The following MATN2 variants were observed in gnomAD, a reference collection of about 807,000 sequenced individuals.
MATN2 encodes the protein matrilin 2, also known as matrilin-2.
A neutral mutation model predicts 103.2 loss-of-function variants in MATN2; 69 were observed. That is an observed-to-expected ratio of 0.67 (90% CI 0.55 to 0.82). The LOEUF (loss-of-function observed/expected upper bound fraction) is 0.82. Ranked by LOEUF, MATN2 falls within the 40% of genes least tolerant of loss-of-function variation. The pLI, the probability that MATN2 is intolerant of heterozygous loss-of-function variation, is 0.00. For missense variants in MATN2, 1,023 were observed against 1,211.5 expected, an observed-to-expected ratio of 0.84 and a Z score of 2.31; for synonymous variants, 429 against 450.2, an observed-to-expected ratio of 0.95 and a Z score of 0.60.
At position 97,881,828 on chromosome 8, in the gene MATN2, T is replaced by A. The variant is rs552419363; in HGVS notation, c.-26-6247T>A. 5.9e-5 allele frequency among the ~76,000 whole-genome samples: 9 copies of A among 152,186 alleles called. No individual in the cohort carries two copies. The South Asian group carries it at 1.7e-3, about 28-fold the overall frequency. On this transcript the variant is annotated intron_variant, in intron 1 of 18. Transcript: ENST00000254898. ...TGCCATTGCAGTTTTTAGGAAAAAA[T>A]CTATCTTGTCTGGTACTGATATTGC...
At chr8:97,948,579 G>C (rs1350361971) in intron 4 of MATN2, among the ~76,000 whole-genome samples, 1 of 152,160 alleles carries the variant, frequency 6.6e-6, no homozygotes, top group African/African-American at 2.4e-5. Flanking sequence ...GGAGTGGGAA[G>C]GCAATCCAAT....
chr8:97,873,848 G>A (rs552121444), intron 1 of MATN2, among the ~76,000 whole-genome samples: 8 of 151,868 alleles, frequency 5.3e-5, no homozygotes, highest in Non-Finnish European at 1.2e-4. Flanking sequence ...GGCTGGTCTC[G>A]AACTCCTGAG....
At chr8:97,947,041 G>A (rs933719008) in intron 4 of MATN2, among the ~76,000 whole-genome samples, 8 of 152,136 alleles carry the variant, frequency 5.3e-5, no homozygotes, top group Non-Finnish European at 7.3e-5. Context: ...TTCCAAGAAT[G>A]CAAGTTTGGT....
At chr8:97,956,854 T>G (rs1401796540) in intron 4 of MATN2, among the ~76,000 whole-genome samples, 1 of 152,140 alleles carries the variant, frequency 6.6e-6, no homozygotes. Context: ...ACCCCACATC[T>G]AATGGAGGAG....
intron 4 of MATN2, among the ~76,000 whole-genome samples, chr8:97,960,537 A>G (rs1811276552): frequency 6.6e-6 from 1 of 152,258 alleles, no homozygotes; most frequent in Non-Finnish European, 1.5e-5. Context: ...GGCAGAGCTT[A>G]GCACTTAGTG....
In MATN2 at chr8:98,027,651, A is replaced by G; in HGVS notation, c.2178A>G (p.Lys726=). The change falls in exon 14 of 19, where the codon AAA becomes AAG. Residue 726 remains lysine, a synonymous_variant. Coordinates refer to ENST00000254898, the MANE Select transcript of MATN2 (RefSeq NM_002380.5). ...TGAAAAAAGCCGTGGCCCACATGAA[A>G]TACATGGGAAAGGGCTCTATGACTG... The part of the protein sequence containing the change: ...KDMKKAVAHM[K]YMGKGSMTGL... 1.9e-6 allele frequency: 3 copies of G among 1,613,906 alleles called. No individual in the cohort carries two copies. Among genetic ancestry groups the G allele is most frequent in the Non-Finnish European group, 1.7e-6 (2 of 1,179,860 alleles).
intron 2 of MATN2, among the ~76,000 whole-genome samples, chr8:97,923,673 C>T (rs1010913621): frequency 6.6e-6 from 1 of 152,140 alleles, no homozygotes; most frequent in African/African-American, 2.4e-5. Context: ...TCTCCTGCCT[C>T]AGCCTCCCAA....
At chr8:97,923,545 C>G (rs1809882755) in intron 2 of MATN2, among the ~76,000 whole-genome samples, 1 of 141,912 alleles carries the variant, frequency 7.0e-6, no homozygotes, top group Admixed American at 7.7e-5. Flanking sequence ...TTCTCTCTCT[C>G]TCTCTCTCTC....
chr8:97,954,698 A>T (rs1433255496), intron 4 of MATN2, among the ~76,000 whole-genome samples: 1 of 152,200 alleles, frequency 6.6e-6, no homozygotes, highest in Non-Finnish European at 1.5e-5. Context: ...CAGCACTCCG[A>T]ACCGTTCCAT....
chr8:97,940,889 T>G (rs893882358), intron 3 of MATN2, among the ~76,000 whole-genome samples: 3 of 152,124 alleles, frequency 2.0e-5, no homozygotes, highest in African/African-American at 7.2e-5. Flanking sequence ...GCAGGCGTGG[T>G]GGCTTATGCC....
intron 10 of MATN2, among the ~76,000 whole-genome samples, chr8:98,013,542 A>G (rs1276498028): frequency 6.6e-6 from 1 of 152,216 alleles, no homozygotes; most frequent in Non-Finnish European, 1.5e-5. Flanking sequence ...CACTGCCAAC[A>G]TCTCACCTCT....
At chr8:97,932,662 G>C (rs971190790) in intron 3 of MATN2, among the ~76,000 whole-genome samples, 1 of 151,892 alleles carries the variant, frequency 6.6e-6, no homozygotes, top group Admixed American at 6.6e-5. Flanking sequence ...CTGCCTCTGC[G>C]GCTGCCTTTT....
Position 97,988,171 on chromosome 8 carries a change from A to AATATAT in MATN2, c.1082-6295_1082-6290dup, listed in dbSNP as rs1554611754. Among the ~76,000 whole-genome samples, 4 of 46,102 alleles carry AATATAT rather than the reference A, an allele frequency of 8.7e-5. No individual in the cohort carries two copies. The Admixed American group carries it at 1.1e-3, about 13-fold the overall frequency. The allele number at this position is 46,102 out of a possible 152,430, so 30.2% of individuals were successfully genotyped here. A position where few individuals can be genotyped will look rare whatever the true frequency, so the allele number is the denominator to read the frequency against. ...CTCCACCAAAAAAAAAAAAAAAAAA[A>AATATAT]ATATATATATATATATATACACACA... On this transcript the variant is annotated intron_variant, in intron 6 of 18. Coordinates refer to ENST00000254898, the MANE Select transcript of MATN2 (RefSeq NM_002380.5).
At chr8:98,002,251 G>A (rs1812814768) in intron 7 of MATN2, among the ~76,000 whole-genome samples, 1 of 152,296 alleles carries the variant, frequency 6.6e-6, no homozygotes, top group East Asian at 1.9e-4. Flanking sequence ...AGCATGGATA[G>A]AGTGACCTTA....
At chr8:97,947,057 A>G (rs1234388973) in intron 4 of MATN2, among the ~76,000 whole-genome samples, 1 of 152,200 alleles carries the variant, frequency 6.6e-6, no homozygotes, top group Non-Finnish European at 1.5e-5. Flanking sequence ...TTGGTTTAAC[A>G]TTCAAAAATC....
chr8:97,872,522 A>C (rs985613419), intron 1 of MATN2, among the ~76,000 whole-genome samples: 9 of 152,214 alleles, frequency 5.9e-5, no homozygotes, highest in Admixed American at 3.3e-4. Flanking sequence ...GAACTCTTAA[A>C]TGGGTTTTGT....
intron 5 of MATN2, among the ~76,000 whole-genome samples, chr8:97,975,662 G>A (rs2130301319): frequency 6.6e-6 from 1 of 152,340 alleles, no homozygotes; most frequent in South Asian, 2.1e-4. Context: ...GGTGGCCATA[G>A]ATAGGACTGG....
chr8:97,906,997 C>CTT (rs61459656), intron 2 of MATN2, among the ~76,000 whole-genome samples: 2,219 of 116,106 alleles, frequency 0.019, 132 homozygotes, highest in African/African-American at 0.066. Flanking sequence ...CCATAGCTGA[C>CTT]TTTTTTTTTT....
chr8:97,978,968 T>A lies in MATN2; in HGVS notation c.1041T>A (p.His347Gln), dbSNP rs772890822. The A allele has an allele frequency of 1.9e-6, 3 of 1,613,452 alleles. No homozygotes were observed. Among genetic ancestry groups the A allele is most frequent in the Non-Finnish European group, 2.5e-6 (3 of 1,179,674 alleles). The change falls in exon 6 of 19, where the codon CAT (histidine) becomes CAA (glutamine). Residue 347 changes from histidine (H) to glutamine (Q), a missense_variant. Physicochemically the swap from His to Gln is conservative, Grantham distance 24. Transcript: ENST00000254898. ...NADGSYLCQCHEGFALNPDKK... is the reference protein window; with the variant it reads ...NADGSYLCQCQEGFALNPDKK... ...ATGGCTCCTACCTTTGCCAGTGCCA[T>A]GAAGGATTTGCTCTTAACCCAGATA...
Sources: gnomAD v4.1 joint callset for allele counts (sites outside exome capture counted in the v4.1 genomes callset) on GRCh38, gnomAD v4.1.1 for gene constraint, MANE v1.5 for transcripts, NCBI Gene and HGNC (gene_info 2026-07-23, HGNC 2026-07-21) for gene names.